Variants in DGKQ observed in about 807,000 individuals in gnomAD.
The protein encoded by DGKQ is DAG kinase theta.
DGKQ carries 97 observed loss-of-function variants against 104.2 expected under a neutral mutation model. The ratio of observed to expected loss-of-function variants is 0.93; its 90% CI spans 0.79 to 1.10. The LOEUF is 1.10. DGKQ is among the 50% of genes least tolerant of loss of function. The probability of loss-of-function intolerance (pLI) is 0.00; values close to 1 mark genes in which losing one functional copy is unlikely to be tolerated. For missense variants in DGKQ, 1,465 were observed against 1,352.1 expected, an observed-to-expected ratio of 1.08 and a Z score of -1.31; for synonymous variants, 736 against 595.2, an observed-to-expected ratio of 1.24 and a Z score of -3.44.
At chr4:966,624 G>C in intron 11 of DGKQ, 97 bp from the exon 12 acceptor site, 1 of 1,508,322 alleles carries the variant, frequency 6.6e-7, no homozygotes, top group Non-Finnish European at 9.0e-7. Context: ...ATGCAGGGTG[G>C]AGCTGGTCAG....
At chr4:968,639 C>G in intron 3 of DGKQ, 75 bp from the exon 4 acceptor site, 2 of 1,444,658 alleles carry the variant, frequency 1.4e-6, no homozygotes, top group Non-Finnish European at 1.9e-6. Context: ...TGGGTCTGCC[C>G]CATCCCCACC....
At position 958,912 on chromosome 4, in the gene DGKQ, T is replaced by C. The variant is rs1263990689; in HGVS notation, c.*1708A>G. 5.0e-6 allele frequency: 1 copy of C among 198,742 alleles called. No homozygotes were observed. The allele number at this position is 198,742 out of a possible 1,614,324, so 12.3% of individuals were successfully genotyped here. On this transcript the variant is annotated 3_prime_UTR_variant, in exon 23 of 23. Transcript: ENST00000273814. ...TAGGATAGTGACGCCCAGACTGTAT[T>C]TGTCCTGGATATAAATTACTGTTGC... is the stretch of plus-strand genomic sequence containing the variant.
Position 962,564 on chromosome 4 carries a change from C to A in DGKQ, c.2085G>T (p.Glu695Asp). Reference sequence around the variant, plus strand: ...CAGACAGCAGTACGGAGAACGGGTCCTCGCCGCTGTAGCCCGCCCCCCAGC... The same window carrying A: ...CAGACAGCAGTACGGAGAACGGGTCATCGCCGCTGTAGCCCGCCCCCCAGC... ...VLRWGAGYSG[E>D]DPFSVLLSVD... is the part of the protein sequence containing the mutation. The change falls in exon 18 of 23, where the codon GAG becomes GAT. Residue 695 changes from glutamate (E) to aspartate (D), a missense_variant. Physicochemically the swap from Glu to Asp is conservative, Grantham distance 45. Transcript: ENST00000273814. 1 of 1,610,066 alleles carries A rather than the reference C, an allele frequency of 6.2e-7. No homozygotes were observed. Among genetic ancestry groups the A allele is most frequent in the Non-Finnish European group, 8.5e-7 (1 of 1,179,918 alleles).
At chr4:960,881 G>A (rs1430709067) in intron 22 of DGKQ, 160 bp from the exon 23 acceptor site, 2 of 985,162 alleles carry the variant, frequency 2.0e-6, no homozygotes, top group Admixed American at 6.1e-5. Flanking sequence ...GCCACCTGTG[G>A]CCCGCCTGGC....
At position 961,558 on chromosome 4, in the gene DGKQ, A is replaced by G. The variant is rs753085641; in HGVS notation, c.2483T>C (p.Leu828Pro). 1.2e-6 allele frequency: 2 copies of G among 1,608,968 alleles called. No homozygotes were observed. The highest frequency in any genetic ancestry group is 1.7e-6 in the Non-Finnish European group (2 of 1,178,620). ...NIPSWGSGAD[L>P]WGSDSDTRFE... ...CCTGGTGTCGCTGTCGGAGCCCCAC[A>G]GGTCGGCCCCCGAGCCCCAGCTGCC... Residue 828 changes from leucine to proline, a missense_variant, in exon 21 of 23, where the codon CTG becomes CCG. Physicochemically the swap from Leu to Pro is moderately conservative, Grantham distance 98. Transcript: ENST00000273814.
In DGKQ at chr4:967,117, G is replaced by A. The variant is rs748075706; in HGVS notation, c.1220+12C>T. The A allele has an allele frequency of 5.1e-6, 8 of 1,569,074 alleles. No homozygotes were observed. The highest frequency in any genetic ancestry group is 3.5e-5 in the South Asian group (3 of 85,502). On this transcript the variant is annotated intron_variant, in intron 9 of 22. Transcript: ENST00000273814. ...CCGCCCAGCAGACCCTGAGCCTCGG[G>A]CCCAGTCTCACTTGAGCCAGCCAGG...
intron 12 of DGKQ, 190 bp downstream of exon 12, chr4:966,276 G>A (rs1348048314): frequency 1.3e-5 from 11 of 826,120 alleles, no homozygotes; most frequent in African/African-American, 6.9e-5. Context: ...CGAGGACCTC[G>A]GGGAGATCTG....
rs772791069 is a variant in DGKQ at position 967,792 on chromosome 4, G to T, written c.822C>A (p.Gly274=). Residue 274 remains glycine, a synonymous_variant, in exon 7 of 23, where the codon GGC becomes GGA. Transcript: ENST00000273814. ...CGGCAGCGCTCCCGTCGGCGCCGTC[G>T]CCCCCCTCGCCTGCGGGTCGGGCAC... ...IVEAAEPGEG[G]DGADGSAAVG... is the part of the protein sequence containing the mutation. 6.2e-7 allele frequency: 1 copy of T among 1,600,970 alleles called. No homozygotes were observed. The highest frequency in any genetic ancestry group is 1.3e-5 in the African/African-American group (1 of 74,832).
In DGKQ at chr4:967,026, C is replaced by T; in HGVS notation, c.1249G>A (p.Val417Met). The T allele has an allele frequency of 6.4e-7, 1 of 1,563,098 alleles. No homozygotes were observed. Among genetic ancestry groups the T allele is most frequent in the Non-Finnish European group, 8.7e-7 (1 of 1,155,558 alleles). The change falls in exon 10 of 23, where the codon GTG becomes ATG. Residue 417 changes from valine (V) to methionine (M), a missense_variant. Transcript: ENST00000273814. ...KVGVAYVSVR[V>M]TPKSTARSVV... is the part of the protein sequence containing the mutation. ...GAGCGGGCCGTGCTCTTCGGGGTCA[C>T]TCGCACGGACACGTAGGCCACGCCC...
In DGKQ at chr4:968,339, C is replaced by G; in HGVS notation, c.606G>C (p.Lys202Asn). The change falls in exon 5 of 23, where the codon AAG becomes AAC. Residue 202 changes from lysine (K) to asparagine (N), a missense_variant. Lys to Asn is a moderately conservative substitution (Grantham distance 94). Transcript: ENST00000273814. ...CCAGCACGTCAGAGGAGCCGCACGT[C>G]TTCCTGCAGACCTCGCAGCGCGCTC... ...PSGARCEVCRKTCGSSDVLAG... is the reference protein window; with the variant it reads ...PSGARCEVCRNTCGSSDVLAG... The G allele has an allele frequency of 6.5e-7, 1 of 1,539,634 alleles. No homozygotes were observed. The highest frequency in any genetic ancestry group is 8.7e-7 in the Non-Finnish European group (1 of 1,145,302).
In DGKQ at chr4:973,399, C is replaced by A. The variant is rs1387602344; in HGVS notation, c.84G>T (p.Val28=). The A allele has an allele frequency of 1.9e-6, 2 of 1,033,896 alleles. No homozygotes were observed. The highest frequency in any genetic ancestry group is 1.7e-5 in the African/African-American group (1 of 57,890). The allele number at this position is 1,033,896 out of a possible 1,614,324, so 64.0% of individuals were successfully genotyped here. A position where few individuals can be genotyped will look rare whatever the true frequency, so the allele number is the denominator to read the frequency against. Residue 28 remains valine (V), a synonymous_variant, in exon 1 of 23, where the codon GTG becomes GTT. Coordinates refer to ENST00000273814, the MANE Select transcript of DGKQ (RefSeq NM_001347.4). ...GGCGCGCGCGGCCTCCTGAGCCCAGCACGGGGCTGCAGGCCGGGCTGCCGG... is the reference window on the plus strand; with the variant it reads ...GGCGCGCGCGGCCTCCTGAGCCCAGAACGGGGCTGCAGGCCGGGCTGCCGG... ...PRPGSPACSP[V]LGSGGRARPG...
chr4:967,251 C>G lies in DGKQ; in HGVS notation c.1098G>C (p.Gly366=). 1 of 1,561,016 alleles carries G rather than the reference C, an allele frequency of 6.4e-7. No individual in the cohort carries two copies. The highest frequency in any genetic ancestry group is 8.6e-7 in the Non-Finnish European group (1 of 1,157,030). The stretch of plus-strand genomic sequence containing the variant: ...TGCCCTCCTCCGAGATCACAGCACT[C>G]CCAGCCTTGCCCCCAGCCCAGGCGT... ...ACDAWAGGKA[G]SAVISEEGRS... The change falls in exon 9 of 23, where the codon GGG becomes GGC. Residue 366 remains glycine, a synonymous_variant. Coordinates refer to ENST00000273814, the MANE Select transcript of DGKQ (RefSeq NM_001347.4).
chr4:968,342 C>T lies in DGKQ; in HGVS notation c.603G>A (p.Arg201=). ...LPSGARCEVC[R]KTCGSSDVLA... ...GCACGTCAGAGGAGCCGCACGTCTT[C>T]CTGCAGACCTCGCAGCGCGCTCCCG... The change falls in exon 5 of 23, where the codon AGG becomes AGA. Residue 201 remains arginine (R), a synonymous_variant. Transcript: ENST00000273814. 1 of 1,436,866 alleles carries T rather than the reference C, an allele frequency of 7.0e-7. No homozygotes were observed. Among genetic ancestry groups the T allele is most frequent in the Non-Finnish European group, 9.2e-7 (1 of 1,089,612 alleles). 89.0% of individuals were successfully genotyped at this position (1,436,866 alleles called of 1,614,324 possible).
rs576719566 is a variant in DGKQ at position 967,727 on chromosome 4, C to A, written c.886+1G>T. The A allele has an allele frequency of 1.2e-6, 2 of 1,611,114 alleles. No homozygotes were observed. Among genetic ancestry groups the A allele is most frequent in the African/African-American group, 1.3e-5 (1 of 74,918 alleles). On this transcript the variant is annotated splice_donor_variant, in intron 7 of 22. Transcript: ENST00000273814. LOFTEE classifies it high-confidence loss of function. The stretch of plus-strand genomic sequence containing the variant: ...TTGGGGGGAATGAGGCGGGCACTTA[C>A]CGGACTCCGGAGTTGCCTGTGTCTC...
Position 966,479 on chromosome 4 carries a change from T to C in DGKQ, c.1415A>G (p.Gln472Arg). 6.2e-7 allele frequency: 1 copy of C among 1,612,550 alleles called. No homozygotes were observed. Among genetic ancestry groups the C allele is most frequent in the Non-Finnish European group, 8.5e-7 (1 of 1,179,718 alleles). Residue 472 changes from glutamine to arginine, a missense_variant, in exon 12 of 23, where the codon CAG becomes CGG. Gln to Arg is a conservative substitution (Grantham distance 43). Transcript: ENST00000273814. ...ACACCCACTCACCTGCCGGATGTCC[T>C]GTAGCCGGTCCAGCAGGGGCTGTTC... The part of the protein sequence containing the change: ...MDEQPLLDRL[Q>R]DIRQMSVRQV...
chr4:964,322 T>A (rs998137601), intron 15 of DGKQ, among the ~76,000 whole-genome samples: 1 of 152,162 alleles, frequency 6.6e-6, no homozygotes, highest in Non-Finnish European at 1.5e-5. Context: ...TCGCCTGGAC[T>A]GGGGTCACGA....
Position 967,930 on chromosome 4 carries a change from C to T in DGKQ, c.761G>A (p.Gly254Asp). 6.8e-7 allele frequency: 1 copy of T among 1,472,390 alleles called. No individual in the cohort carries two copies. Among genetic ancestry groups the T allele is most frequent in the South Asian group, 1.3e-5 (1 of 74,650 alleles). The allele number at this position is 1,472,390 out of a possible 1,614,324, so 91.2% of individuals were successfully genotyped here. A position where few individuals can be genotyped will look rare whatever the true frequency, so the allele number is the denominator to read the frequency against. ...LPPACVRLLP[G>D]GFSKTQSFRI... ...GAAGCTCTGCGTCTTGCTGAAGCCG[C>T]CGGGCAGAAGGCGCACGCACGCGGG... The change falls in exon 6 of 23, where the codon GGC becomes GAC. Residue 254 changes from glycine (G) to aspartate (D), a missense_variant. Coordinates refer to ENST00000273814, the MANE Select transcript of DGKQ (RefSeq NM_001347.4).
In DGKQ at chr4:965,509, G is replaced by A. The variant is rs1444266313; in HGVS notation, c.1600C>T (p.His534Tyr). The A allele has an allele frequency of 6.2e-7, 1 of 1,611,960 alleles. No homozygotes were observed. Among genetic ancestry groups the A allele is most frequent in the Non-Finnish European group, 8.5e-7 (1 of 1,179,616 alleles). ...ATKATVVSVS[H>Y]IYSSQGAVVL... ...AGCTCACCTTGGGAGGAGTAGATGT[G>A]ACTCACGGACACCACGGTGGCTGCA... Residue 534 changes from histidine to tyrosine, a missense_variant, in exon 14 of 23, where the codon CAC becomes TAC. Coordinates refer to ENST00000273814, the MANE Select transcript of DGKQ (RefSeq NM_001347.4).
intron 15 of DGKQ, among the ~76,000 whole-genome samples, chr4:964,741 C>A (rs1043602591): frequency 3.9e-5 from 6 of 152,198 alleles, no homozygotes; most frequent in African/African-American, 7.2e-5. Flanking sequence ...GAGGCTGTAC[C>A]GGGAGGGCCA....
Sources: allele counts gnomAD v4.1 joint callset (sites outside exome capture counted in the v4.1 genomes callset), GRCh38; gene constraint gnomAD v4.1.1; transcripts MANE v1.5; gene names NCBI Gene and HGNC (gene_info 2026-07-23, HGNC 2026-07-21).